Variants in IRS1 observed in about 807,000 individuals in gnomAD.
IRS1 encodes insulin receptor substrate 1.
In IRS1, 34 loss-of-function variants were observed where a neutral mutation model predicts 65.6. The observed-to-expected ratio is 0.52, with a 90% CI of 0.39 to 0.69. The LOEUF (loss-of-function observed/expected upper bound fraction) is 0.69. IRS1 is among the 30% of genes least tolerant of loss of function. The pLI, the probability that IRS1 is intolerant of heterozygous loss-of-function variation, is 0.00. For missense variants in IRS1, 1,641 were observed against 1,720.2 expected (o/e 0.95, Z 0.81); for synonymous variants, 699 against 683.5 (o/e 1.02, Z -0.35).
intron 1 of IRS1, among the ~76,000 whole-genome samples, chr2:226,751,849 C>T (rs1938691408): frequency 6.6e-6 from 1 of 152,128 alleles, no homozygotes; most frequent in Non-Finnish European, 1.5e-5. Context: ...TCGCCCTGCC[C>T]TACAGCCATG....
At position 226,733,600 on chromosome 2, in the gene IRS1, A is replaced by T. The variant is rs185664778; in HGVS notation, c.*2672T>A. 2.3e-4 allele frequency: 35 copies of T among 152,306 alleles called. No homozygotes were observed. Among genetic ancestry groups the T allele is most frequent in the South Asian group, 8.3e-4 (4 of 4,834 alleles). 9.4% of individuals were successfully genotyped at this position (152,306 alleles called of 1,614,324 possible). A position where few individuals can be genotyped will look rare whatever the true frequency, so the allele number is the denominator to read the frequency against. ...TGGTGTCATCAAGAAAAACCCACTA[A>T]CTTCTAGGTTAACCAGAGGCCACTA... On this transcript the variant is annotated 3_prime_UTR_variant, in exon 2 of 2. Coordinates refer to ENST00000305123, the MANE Select transcript of IRS1 (RefSeq NM_005544.3).
At chr2:226,743,692 T>C (rs1938485353) in intron 1 of IRS1, among the ~76,000 whole-genome samples, 1 of 152,230 alleles carries the variant, frequency 6.6e-6, no homozygotes, top group African/African-American at 2.4e-5. Flanking sequence ...CTCACAGAAA[T>C]TACATTTCAG....
chr2:226,765,202 G>A (rs1939008659), intron 1 of IRS1, among the ~76,000 whole-genome samples: 1 of 152,156 alleles, frequency 6.6e-6, no homozygotes, highest in African/African-American at 2.4e-5. Context: ...CTTACGAGTA[G>A]TTGGGGCTAT....
chr2:226,742,466 G>A (rs1182345473), intron 1 of IRS1, among the ~76,000 whole-genome samples: 2 of 152,218 alleles, frequency 1.3e-5, no homozygotes, highest in Non-Finnish European at 2.9e-5. Flanking sequence ...CCAAGCCAGT[G>A]CTTTAATGGA....
At position 226,760,038 on chromosome 2, in the gene IRS1, T is replaced by C. The variant is rs376226233; in HGVS notation, c.*22-23788A>G. 1.0e-3 allele frequency among the ~76,000 whole-genome samples: 155 copies of C among 152,190 alleles called. 1 individual carries two copies. The highest frequency in any genetic ancestry group is 3.7e-3 in the South Asian group (18 of 4,812). ...TTTAGAAGTACAAAACAGCCATGTG[T>C]GGTGGCGCATGCCTGTAGTCCCAGC... On this transcript the variant is annotated intron_variant, in intron 1 of 1. Coordinates refer to ENST00000305123, the MANE Select transcript of IRS1 (RefSeq NM_005544.3).
rs12105563 is a variant in IRS1 at position 226,747,461 on chromosome 2, C to T, written c.*22-11211G>A. ...GAGGCTACAATAAGAAGACGGCCATCGTAAACCAGGAAGAGGGCACACCAA... is the reference window on the plus strand; with the variant it reads ...GAGGCTACAATAAGAAGACGGCCATTGTAAACCAGGAAGAGGGCACACCAA... On this transcript the variant is annotated intron_variant, in intron 1 of 1. Transcript: ENST00000305123. Among the ~76,000 whole-genome samples the T allele has an allele frequency of 4.3e-3, 660 of 152,136 alleles. 4 individuals are homozygous for T. The highest frequency in any genetic ancestry group is 0.015 in the African/African-American group (614 of 41,506).
intron 1 of IRS1, among the ~76,000 whole-genome samples, chr2:226,737,203 T>A (rs894926040): frequency 2.0e-5 from 3 of 151,454 alleles, no homozygotes; most frequent in Admixed American, 2.0e-4. Flanking sequence ...TTTGGTTTTT[T>A]GTTCTTGTGA....
intron 1 of IRS1, among the ~76,000 whole-genome samples, chr2:226,785,360 T>C (rs1285832286): frequency 1.3e-5 from 2 of 152,070 alleles, no homozygotes; most frequent in African/African-American, 4.8e-5. Context: ...CCCAGTACTT[T>C]GGGAGGCTGA....
Position 226,795,624 on chromosome 2 carries a change from CTGAGGA to C in IRS1, c.3109_3114del (p.Ser1037_Ser1038del). 6.2e-7 allele frequency: 1 copy of C among 1,612,610 alleles called. No individual in the cohort carries two copies. Among genetic ancestry groups the C allele is most frequent in the African/African-American group, 1.3e-5 (1 of 75,066 alleles). On this transcript the variant is annotated inframe_deletion, in exon 1 of 2. Coordinates refer to ENST00000305123, the MANE Select transcript of IRS1 (RefSeq NM_005544.3). ...GGCCCAGTCGGGGAAGCAGAGGCTG[CTGAGGA>C]TGAGGAGGCAGCAGCCATGGTGGCC...
At chr2:226,770,374 T>G (rs1939139163) in intron 1 of IRS1, among the ~76,000 whole-genome samples, 1 of 152,248 alleles carries the variant, frequency 6.6e-6, no homozygotes, top group African/African-American at 2.4e-5. Context: ...GTTCATAAAC[T>G]CCTCCACCCT....
chr2:226,744,005 G>A (rs772205886), intron 1 of IRS1, among the ~76,000 whole-genome samples: 23 of 152,232 alleles, frequency 1.5e-4, no homozygotes, highest in Non-Finnish European at 2.5e-4. Context: ...GAAAGCAAGC[G>A]TCTGATTTTA....
rs1243784659 is a variant in IRS1, at chr2:226,732,522, G to GTGTGTATATATATCTATATA, written c.*3730_*3749dup. The GTGTGTATATATATCTATATA allele has an allele frequency of 5.5e-5, 8 of 144,206 alleles. No individual in the cohort carries two copies. Among genetic ancestry groups the GTGTGTATATATATCTATATA allele is most frequent in the Non-Finnish European group, 9.1e-5 (6 of 66,280 alleles). 8.9% of individuals were successfully genotyped at this position (144,206 alleles called of 1,614,324 possible). Reference sequence around the variant, plus strand: ...CACACACATATGTGTATCTATATATGTGTGTATATATATCTATATATGTGT... The same window carrying GTGTGTATATATATCTATATA: ...CACACACATATGTGTATCTATATATGTGTGTATATATATCTATATATGTGTATATATATCTATATATGTGT... On this transcript the variant is annotated 3_prime_UTR_variant, in exon 2 of 2. Coordinates refer to ENST00000305123, the MANE Select transcript of IRS1 (RefSeq NM_005544.3).
intron 1 of IRS1, among the ~76,000 whole-genome samples, chr2:226,748,869 A>G (rs952151164): frequency 1.3e-5 from 2 of 152,226 alleles, no homozygotes; most frequent in African/African-American, 2.4e-5. Context: ...GACAATGAAC[A>G]GAACAAGTTG....
intron 1 of IRS1, among the ~76,000 whole-genome samples, chr2:226,764,746 C>G (rs1037850488): frequency 6.6e-6 from 1 of 152,124 alleles, no homozygotes; most frequent in African/African-American, 2.4e-5. Context: ...TGTGAATCCT[C>G]GCGCAATTCA....
intron 1 of IRS1, among the ~76,000 whole-genome samples, chr2:226,746,427 C>T (rs765802255): frequency 6.6e-6 from 1 of 152,108 alleles, no homozygotes; most frequent in Non-Finnish European, 1.5e-5. Flanking sequence ...ATTGAAATTG[C>T]TGCCAGATGC....
intron 1 of IRS1, among the ~76,000 whole-genome samples, chr2:226,786,677 C>A (rs202019355): frequency 0.11 from 15,129 of 140,436 alleles, 1,001 homozygotes; most frequent in South Asian, 0.25. Flanking sequence ...CAAAAAAAAA[C>A]CAAAAAAAAT....
rs1559160446 is a variant in IRS1 at position 226,798,784 on chromosome 2, A to G, written c.-46T>C. On this transcript the variant is annotated 5_prime_UTR_variant, in exon 1 of 2. Coordinates refer to ENST00000305123, the MANE Select transcript of IRS1 (RefSeq NM_005544.3). This position sits in a 1 kb window ranked among gnomAD's most constrained non-coding sequence, Gnocchi z 9.4. Reference sequence around the variant, plus strand: ...CGCTGAGCAGAGGGAGGCTCCGAAAAACAACCGGGTGGGGGGCGGAGGCTC... The same window carrying G: ...CGCTGAGCAGAGGGAGGCTCCGAAAGACAACCGGGTGGGGGGCGGAGGCTC... The G allele has an allele frequency of 3.2e-6, 5 of 1,582,106 alleles. No homozygotes were observed. The highest frequency in any genetic ancestry group is 4.3e-6 in the Non-Finnish European group (5 of 1,164,966).
Position 226,797,276 on chromosome 2 carries a change from C to A in IRS1, c.1463G>T (p.Gly488Val), listed in dbSNP as rs1012124430. 6.2e-7 allele frequency: 1 copy of A among 1,613,544 alleles called. No homozygotes were observed. Among genetic ancestry groups the A allele is most frequent in the East Asian group, 2.2e-5 (1 of 44,880 alleles). The change falls in exon 1 of 2, where the codon GGT becomes GTT. Residue 488 changes from glycine (G) to valine (V), a missense_variant. Coordinates refer to ENST00000305123, the MANE Select transcript of IRS1 (RefSeq NM_005544.3). The surrounding 1 kb of genome is among the most constrained non-coding windows in gnomAD (Gnocchi z 8.1). ...TGGGGTGCAGCGGTGGCCATTGCCA[C>A]CCCGAGACAAAATGTAGTGACCGTT... ...APNGHYILSR[G>V]GNGHRCTPGT...
At position 226,796,821 on chromosome 2, in the gene IRS1, C is replaced by T. The variant is rs777987963; in HGVS notation, c.1918G>A (p.Val640Ile). Residue 640 changes from valine to isoleucine, a missense_variant, in exon 1 of 2, where the codon GTA becomes ATA. This residue lies in a region of IRS1 where 1,324 missense variants were observed against 1,361.0 expected (regional missense o/e 0.97). Transcript: ENST00000305123. ...TTGATGATCTGCTGTGGGGCAGATA[C>T]GCTCTTGGGGCTCATGGGCATATAG... ...GDYMPMSPKS[V>I]SAPQQIINPI... The T allele has an allele frequency of 8.9e-6, 14 of 1,564,880 alleles. No individual in the cohort carries two copies. The highest frequency in any genetic ancestry group is 5.3e-5 in the Admixed American group (3 of 56,690).
Sources: allele counts gnomAD v4.1 joint callset (sites outside exome capture counted in the v4.1 genomes callset), GRCh38; gene constraint gnomAD v4.1.1; regional missense constraint gnomAD v4.1.1; non-coding constraint Gnocchi (gnomAD v3.1); transcripts MANE v1.5; gene names NCBI Gene and HGNC (gene_info 2026-07-23, HGNC 2026-07-21).